Variants in ANKRD13C observed in about 807,000 individuals in gnomAD.
ANKRD13C encodes ankyrin repeat domain 13C, also known as ankyrin repeat domain-containing protein 13C.
ANKRD13C carries 16 observed loss-of-function variants against 65.5 expected under a neutral mutation model. That is an observed-to-expected ratio of 0.24 (90% confidence interval 0.17 to 0.37). The LOEUF is 0.37. Among genes scored for constraint, ANKRD13C ranks in the 10% least tolerant of loss-of-function variants. ANKRD13C has a pLI of 1.00. For missense variants in ANKRD13C, 503 were observed against 655.9 expected (o/e 0.77, Z 2.55); for synonymous variants, 235 against 238.7 (o/e 0.98, Z 0.14).
intron 11 of ANKRD13C, 75 bp from the exon 12 acceptor site, chr1:70,271,031 C>A: frequency 1.1e-6 from 1 of 871,276 alleles, no homozygotes; most frequent in Non-Finnish European, 1.9e-6. Flanking sequence ...CAACTACATG[C>A]TTCAAACCTG....
intron 7 of ANKRD13C, among the ~76,000 whole-genome samples, chr1:70,297,407 C>T (rs1358992490): frequency 6.7e-6 from 1 of 149,804 alleles, no homozygotes; most frequent in African/African-American, 2.4e-5. Flanking sequence ...CATTCTCCTG[C>T]CTCAGCCTCC....
intron 7 of ANKRD13C, among the ~76,000 whole-genome samples, chr1:70,297,297 T>TTTTTTTTG (rs1680129815): frequency 7.0e-6 from 1 of 143,236 alleles, no homozygotes; most frequent in Non-Finnish European, 1.5e-5. Context: ...ATTTTTTTTT[T>TTTTTTTTG]TTTTTTTTTT....
At chr1:70,342,884 T>C (rs754991720) in intron 1 of ANKRD13C, among the ~76,000 whole-genome samples, 1 of 152,140 alleles carries the variant, frequency 6.6e-6, no homozygotes, top group Non-Finnish European at 1.5e-5. Context: ...CATGTGAATG[T>C]TATATCTATT....
intron 8 of ANKRD13C, among the ~76,000 whole-genome samples, chr1:70,293,188 T>C (rs1679933347): frequency 1.3e-5 from 2 of 152,104 alleles, no homozygotes; most frequent in Non-Finnish European, 2.9e-5. Flanking sequence ...TCAAAAAAAG[T>C]CATTACTTTC....
At chr1:70,265,498 G>A (rs1400811974) in intron 12 of ANKRD13C, among the ~76,000 whole-genome samples, 3 of 152,076 alleles carry the variant, frequency 2.0e-5, no homozygotes, top group Non-Finnish European at 4.4e-5. Flanking sequence ...TTTTTATTTT[G>A]AGACAATTAC....
At chr1:70,284,069 T>C (rs1679517281) in intron 9 of ANKRD13C, among the ~76,000 whole-genome samples, 1 of 151,684 alleles carries the variant, frequency 6.6e-6, no homozygotes, top group Admixed American at 6.6e-5. Context: ...TAGAACCACA[T>C]CTGGGAAGGA....
intron 9 of ANKRD13C, among the ~76,000 whole-genome samples, chr1:70,287,302 T>C (rs1679664876): frequency 6.6e-6 from 1 of 151,718 alleles, no homozygotes; most frequent in Non-Finnish European, 1.5e-5. Context: ...TTCAACACCA[T>C]CCCTATACAA....
At chr1:70,289,427 TATTTCC>T (rs1679759816) in intron 9 of ANKRD13C, among the ~76,000 whole-genome samples, 1 of 152,150 alleles carries the variant, frequency 6.6e-6, no homozygotes. Context: ...TATAAAGTCT[TATTTCC>T]ATATACTTAT....
chr1:70,265,824 C>CA (rs775757290), intron 12 of ANKRD13C, among the ~76,000 whole-genome samples: 3,306 of 35,382 alleles, frequency 0.093, 285 homozygotes, highest in African/African-American at 0.1. Context: ...GACCTTGCCT[C>CA]AAAAAAAAAA....
intron 1 of ANKRD13C, among the ~76,000 whole-genome samples, chr1:70,337,182 C>CACA (rs1682079874): frequency 1.3e-5 from 2 of 150,430 alleles, no homozygotes; most frequent in East Asian, 1.9e-4. Flanking sequence ...CACACACACA[C>CACA]TTTTGCTCAA....
At position 70,264,475 on chromosome 1, in the gene ANKRD13C, CAAAAAAAAAAAAA is replaced by C. The variant is rs57312096; in HGVS notation, c.1496-1641_1496-1629del. Among the ~76,000 whole-genome samples, 280 of 48,964 alleles carry C rather than the reference CAAAAAAAAAAAAA, an allele frequency of 5.7e-3. 2 individuals carry two copies. Among genetic ancestry groups the C allele is most frequent in the African/African-American group, 0.017 (257 of 15,144 alleles). 32.1% of individuals were successfully genotyped at this position (48,964 alleles called of 152,430 possible). ...TGGGGAACAGAGCAAGACTCTATCTCAAAAAAAAAAAAAAAAAAAAAAAAAAATTACATGAAAG... is the reference window on the plus strand; with the variant it reads ...TGGGGAACAGAGCAAGACTCTATCTCAAAAAAAAAAAAAATTACATGAAAG... On this transcript the variant is annotated intron_variant, in intron 12 of 12. Transcript: ENST00000370944.
At chr1:70,269,250 T>G (rs1006954107) in intron 12 of ANKRD13C, among the ~76,000 whole-genome samples, 2 of 152,186 alleles carry the variant, frequency 1.3e-5, no homozygotes, top group Admixed American at 6.5e-5. Context: ...GTTAAAAATG[T>G]GGTTCTACAT....
At chr1:70,330,665 G>A (rs1055311469) in intron 2 of ANKRD13C, among the ~76,000 whole-genome samples, 2 of 150,594 alleles carry the variant, frequency 1.3e-5, no homozygotes, top group Admixed American at 6.6e-5. Context: ...AGAAAAATAG[G>A]ACAGTTGGAA....
Position 70,315,203 on chromosome 1 carries a change from G to A in ANKRD13C, c.663+278C>T, listed in dbSNP as rs544329685. On this transcript the variant is annotated intron_variant, in intron 4 of 12. Coordinates refer to ENST00000370944, the MANE Select transcript of ANKRD13C (RefSeq NM_030816.5). The stretch of plus-strand genomic sequence containing the variant: ...AGAATCTTCTAATTCAAAGGCAAAG[G>A]AAAATTATTGCCATTAACTGTGACT... 4.6e-5 allele frequency among the ~76,000 whole-genome samples: 7 copies of A among 152,144 alleles called. No homozygotes were observed. In the East Asian group the frequency reaches 1.2e-3, roughly 25 times the overall value.
intron 12 of ANKRD13C, among the ~76,000 whole-genome samples, chr1:70,264,643 AG>A (rs1678531903): frequency 6.6e-6 from 1 of 152,148 alleles, no homozygotes; most frequent in African/African-American, 2.4e-5. Context: ...ACAAAGCCTA[AG>A]ATATTTATTA....
At chr1:70,335,297 TCAGGAGGCTGACG>T in intron 2 of ANKRD13C, among the ~76,000 whole-genome samples, 1 of 151,770 alleles carries the variant, frequency 6.6e-6, no homozygotes, top group Middle Eastern at 3.4e-3. Context: ...TCCCAGCTAC[TCAGGAGGCTGACG>T]CAGGAGAATT....
chr1:70,319,348 G>C (rs998550812), intron 3 of ANKRD13C, among the ~76,000 whole-genome samples: 4 of 152,088 alleles, frequency 2.6e-5, no homozygotes, highest in Admixed American at 6.5e-5. Flanking sequence ...GCTCACACCT[G>C]TAATCTCAGC....
chr1:70,317,703 T>C (rs1226610729), intron 3 of ANKRD13C, among the ~76,000 whole-genome samples: 1 of 152,190 alleles, frequency 6.6e-6, no homozygotes, highest in Non-Finnish European at 1.5e-5. Context: ...GTTATATTAC[T>C]CAAATGTAGT....
intron 3 of ANKRD13C, 80 bp downstream of exon 3, chr1:70,324,773 A>G: frequency 9.6e-7 from 1 of 1,036,628 alleles, no homozygotes; most frequent in Non-Finnish European, 1.4e-6. Context: ...ATGGCAAGTT[A>G]CAATGAATGA....
Sources: allele counts gnomAD v4.1 joint callset (sites outside exome capture counted in the v4.1 genomes callset), GRCh38; gene constraint gnomAD v4.1.1; transcripts MANE v1.5; gene names NCBI Gene and HGNC (gene_info 2026-07-23, HGNC 2026-07-21).